The following HSD17B12 variants were observed in gnomAD, a reference collection of about 807,000 sequenced individuals.
HSD17B12 encodes very-long-chain 3-oxoacyl-CoA reductase.
Under a neutral mutation model 39.3 loss-of-function variants are expected in HSD17B12, and 32 were observed. The ratio of observed to expected loss-of-function variants is 0.81; its 90% CI spans 0.61 to 1.09. The LOEUF (loss-of-function observed/expected upper bound fraction) is 1.09, where lower values mean the gene tolerates loss of function less well. HSD17B12 is among the 50% of genes least tolerant of loss of function. The pLI is 0.00. For missense variants in HSD17B12, 342 were observed against 382.9 expected, an observed-to-expected ratio of 0.89 and a Z score of 0.89; for synonymous variants, 150 against 146.7, an observed-to-expected ratio of 1.02 and a Z score of -0.16.
chr11:43,596,880 C>A, the HSD17B12 span, among the ~76,000 whole-genome samples: 2 of 152,206 alleles, frequency 1.3e-5, no homozygotes, highest in Non-Finnish European at 1.5e-5. Flanking sequence ...AGTGACTGCT[C>A]GTCTGAAGAA....
At chr11:43,726,986 C>T (rs1392654855) in intron 1 of HSD17B12, among the ~76,000 whole-genome samples, 6 of 152,106 alleles carry the variant, frequency 3.9e-5, no homozygotes, top group African/African-American at 1.4e-4. Flanking sequence ...CATAATAATT[C>T]AAAGAATAGA....
chr11:43,674,560 A>G, the HSD17B12 span, among the ~76,000 whole-genome samples: 2 of 152,252 alleles, frequency 1.3e-5, no homozygotes, highest in Non-Finnish European at 2.9e-5. Context: ...GCATACCAAA[A>G]TGAGATGGTT....
Position 43,855,351 on chromosome 11 carries a change from G to A in HSD17B12, c.*103G>A. 2 of 596,178 alleles carry A rather than the reference G, an allele frequency of 3.4e-6. No individual in the cohort carries two copies. Among genetic ancestry groups the A allele is most frequent in the South Asian group, 5.4e-5 (2 of 36,714 alleles). 36.9% of individuals were successfully genotyped at this position (596,178 alleles called of 1,614,324 possible). On this transcript the variant is annotated 3_prime_UTR_variant, in exon 11 of 11. Transcript: ENST00000278353. ...AAAATCTGACCTTGTCATTTCAATAGTTATTAACATGACTAAATATTATCT... is the reference window on the plus strand; with the variant it reads ...AAAATCTGACCTTGTCATTTCAATAATTATTAACATGACTAAATATTATCT...
chr11:43,702,885 C>G (rs1187535883), intron 1 of HSD17B12, among the ~76,000 whole-genome samples: 1 of 152,124 alleles, frequency 6.6e-6, no homozygotes, highest in Non-Finnish European at 1.5e-5. Flanking sequence ...AGGTAATTCT[C>G]TTTCCAGTTT....
the HSD17B12 span, among the ~76,000 whole-genome samples, chr11:43,675,341 C>T: frequency 0.056 from 8,473 of 152,108 alleles, 278 homozygotes; most frequent in South Asian, 0.12. Context: ...CTAAATAATA[C>T]AAAGGAGTGA....
At chr11:43,732,066 A>C (rs745886412) in intron 1 of HSD17B12, among the ~76,000 whole-genome samples, 1 of 152,004 alleles carries the variant, frequency 6.6e-6, no homozygotes, top group Non-Finnish European at 1.5e-5. Context: ...GGTAGGAGGG[A>C]CCTGGTGGGA....
intron 6 of HSD17B12, among the ~76,000 whole-genome samples, chr11:43,824,762 G>T (rs1387662065): frequency 6.6e-6 from 1 of 152,234 alleles, no homozygotes; most frequent in Non-Finnish European, 1.5e-5. Context: ...TTGGGAGGCT[G>T]AGATGGGTGG....
chr11:43,609,191 C>T, the HSD17B12 span, among the ~76,000 whole-genome samples: 2 of 151,804 alleles, frequency 1.3e-5, no homozygotes, highest in East Asian at 1.9e-4. Flanking sequence ...CTGCCCACCT[C>T]GGCCTCCCAA....
chr11:43,621,763 A>G, the HSD17B12 span, among the ~76,000 whole-genome samples: 1 of 152,214 alleles, frequency 6.6e-6, no homozygotes, highest in Non-Finnish European at 1.5e-5. Context: ...ATTGGTGACA[A>G]TAATTCTCCA....
At chr11:43,795,568 G>T (rs1166294060) in intron 3 of HSD17B12, among the ~76,000 whole-genome samples, 1 of 152,174 alleles carries the variant, frequency 6.6e-6, no homozygotes, top group African/African-American at 2.4e-5. Context: ...GAGTCTGCTG[G>T]ATTCTTCTGG....
chr11:43,682,179 G>A (rs563679358), intron 1 of HSD17B12, among the ~76,000 whole-genome samples: 64 of 152,264 alleles, frequency 4.2e-4, no homozygotes, highest in Non-Finnish European at 7.2e-4. Context: ...CTTAGCAGTG[G>A]ATATGTATGT....
the HSD17B12 span, among the ~76,000 whole-genome samples, chr11:43,580,392 G>T: frequency 1.1e-5 from 1 of 93,848 alleles, no homozygotes; most frequent in African/African-American, 4.1e-5. Context: ...GGGGGGGTGG[G>T]CTGCAGAGTT....
At chr11:43,579,852 G>A in the HSD17B12 span, among the ~76,000 whole-genome samples, 3 of 151,990 alleles carry the variant, frequency 2.0e-5, no homozygotes, top group Non-Finnish European at 4.4e-5. Context: ...CTCCGGGCGT[G>A]CTGGGCGAGG....
At chr11:43,843,670 G>A (rs906983209) in intron 9 of HSD17B12, among the ~76,000 whole-genome samples, 12 of 151,982 alleles carry the variant, frequency 7.9e-5, no homozygotes, top group Non-Finnish European at 1.3e-4. Flanking sequence ...TCTCCTCCCA[G>A]CCCTATTTGC....
chr11:43,842,310 G>C (rs1951434325), intron 9 of HSD17B12, among the ~76,000 whole-genome samples: 1 of 152,152 alleles, frequency 6.6e-6, no homozygotes, highest in Non-Finnish European at 1.5e-5. Context: ...AGATAGAATG[G>C]TAATGAAAGG....
intron 1 of HSD17B12, among the ~76,000 whole-genome samples, chr11:43,736,769 CTTCTTTG>C (rs1383519998): frequency 6.6e-6 from 1 of 152,132 alleles, no homozygotes; most frequent in African/African-American, 2.4e-5. Flanking sequence ...GCATGCTTCT[CTTCTTTG>C]TTCTTTGTTA....
intron 1 of HSD17B12, among the ~76,000 whole-genome samples, chr11:43,744,817 A>G (rs1473902148): frequency 6.6e-6 from 1 of 152,232 alleles, no homozygotes; most frequent in East Asian, 1.9e-4. Flanking sequence ...AAATTGAACT[A>G]TGATGCAGGT....
intron 1 of HSD17B12, among the ~76,000 whole-genome samples, chr11:43,748,627 CA>C (rs983578023): frequency 1.3e-5 from 2 of 151,930 alleles, no homozygotes; most frequent in African/African-American, 4.8e-5. Flanking sequence ...ATTAAAAAAA[CA>C]AAAACAAAAG....
the HSD17B12 span, among the ~76,000 whole-genome samples, chr11:43,568,396 C>A: frequency 2.6e-5 from 4 of 152,162 alleles, no homozygotes; most frequent in Admixed American, 6.5e-5. Flanking sequence ...AGCCACTGCA[C>A]CCAGCCTCCT....
Sources: allele counts gnomAD v4.1 joint callset (sites outside exome capture counted in the v4.1 genomes callset), GRCh38; gene constraint gnomAD v4.1.1; transcripts MANE v1.5; gene names NCBI Gene and HGNC (gene_info 2026-07-23, HGNC 2026-07-21).